The following HIVEP1 variants were observed in gnomAD, a reference collection of about 807,000 sequenced individuals.
The protein encoded by HIVEP1 is zinc finger protein 40.
In HIVEP1, 36 loss-of-function variants were observed where a neutral mutation model predicts 180.0. The observed-to-expected ratio is 0.20, with a 90% CI of 0.15 to 0.26. The LOEUF is 0.26. HIVEP1 is among the 10% of genes least tolerant of loss of function. The pLI is 1.00. For missense variants in HIVEP1, 3,143 were observed against 3,268.7 expected (o/e 0.96, Z 0.94); for synonymous variants, 1,239 against 1,239.0 (o/e 1.00, Z 0.00).
intron 3 of HIVEP1, among the ~76,000 whole-genome samples, chr6:12,099,356 C>T (rs942385316): frequency 9.9e-5 from 15 of 151,818 alleles, no homozygotes; most frequent in Admixed American, 8.5e-4. Context: ...TTAGTAGAGA[C>T]GGGGTTTCAC....
At chr6:12,099,060 T>G (rs1303758535) in intron 3 of HIVEP1, among the ~76,000 whole-genome samples, 2 of 152,078 alleles carry the variant, frequency 1.3e-5, no homozygotes, top group Non-Finnish European at 2.9e-5. Flanking sequence ...AACAAATGTA[T>G]GTAGTAACAT....
rs1757966446 is a variant in HIVEP1, at chr6:12,124,965, C to A, written c.5170C>A (p.Pro1724Thr). 1 of 1,613,988 alleles carries A rather than the reference C, an allele frequency of 6.2e-7. No homozygotes were observed. The change falls in exon 4 of 9, where the codon CCC becomes ACC. Residue 1724 changes from proline (P) to threonine (T), a missense_variant. Around this residue, in one of 12 missense-constraint regions of HIVEP1, gnomAD observed 1,357 missense variants for 1,260.5 expected, o/e 1.08. Coordinates refer to ENST00000379388, the MANE Select transcript of HIVEP1 (RefSeq NM_002114.4). ...AAATTCTTCTCTATCAGAATCCTTG[C>A]CCATAACTCAGAAAATATCTGTTGG... is the stretch of plus-strand genomic sequence containing the variant. ...SQNSSLSESL[P>T]ITQKISVGRL...
At position 12,080,144 on chromosome 6, in the gene HIVEP1, C is replaced by A. The variant is rs192046638; in HGVS notation, c.41-9040C>A. ...GCTAAAAGAGTGGCACTAAGAGAAT[C>A]ATCCTTGGGCTAAGTTGATTTGACA... On this transcript the variant is annotated intron_variant, in intron 2 of 8. Coordinates refer to ENST00000379388, the MANE Select transcript of HIVEP1 (RefSeq NM_002114.4). Among the ~76,000 whole-genome samples the A allele has an allele frequency of 1.6e-4, 25 of 152,260 alleles. No homozygotes were observed. The East Asian group carries it at 4.6e-3, about 28-fold the overall frequency.
intron 6 of HIVEP1, 36 bp from the exon 7 acceptor site, chr6:12,135,755 A>G (rs1581759407): frequency 1.5e-6 from 2 of 1,340,112 alleles, no homozygotes; most frequent in African/African-American, 2.9e-5. Flanking sequence ...GCAAAATCAT[A>G]CTACTTAAGC....
In HIVEP1 at chr6:12,124,194, C is replaced by T; in HGVS notation, c.4399C>T (p.Pro1467Ser). 6.2e-7 allele frequency: 1 copy of T among 1,613,860 alleles called. No individual in the cohort carries two copies. The highest frequency in any genetic ancestry group is 8.5e-7 in the Non-Finnish European group (1 of 1,179,794). ...TGTGAATGCAGTGCCATATCAGGGGCCTCAGCTCACTAGTACATCTTTAGC... is the reference window on the plus strand; with the variant it reads ...TGTGAATGCAGTGCCATATCAGGGGTCTCAGCTCACTAGTACATCTTTAGC... ...PSVNAVPYQG[P>S]QLTSTSLAEF... is the part of the protein sequence containing the mutation. The change falls in exon 4 of 9, where the codon CCT becomes TCT. Residue 1467 changes from proline (P) to serine (S), a missense_variant. Pro to Ser is a moderately conservative substitution (Grantham distance 74, BLOSUM62 -1). This residue lies in a region of HIVEP1 where 1,357 missense variants were observed against 1,260.5 expected (regional missense o/e 1.08). Coordinates refer to ENST00000379388, the MANE Select transcript of HIVEP1 (RefSeq NM_002114.4).
In HIVEP1 at chr6:12,063,233, A is replaced by G. The variant is rs570190975; in HGVS notation, c.41-25951A>G. ...AGCAGAGTTTTTCAACCTCAGCTCC[A>G]TTTATGATTTGGCCTAGATAATTCT... On this transcript the variant is annotated intron_variant, in intron 2 of 8. Coordinates refer to ENST00000379388, the MANE Select transcript of HIVEP1 (RefSeq NM_002114.4). This position sits in a 1 kb window ranked among gnomAD's most constrained non-coding sequence, Gnocchi z 4.2. Among the ~76,000 whole-genome samples the G allele has an allele frequency of 6.6e-6, 1 of 152,280 alleles. No individual in the cohort carries two copies. Among genetic ancestry groups the G allele is most frequent in the East Asian group, 1.9e-4 (1 of 5,184 alleles).
At chr6:12,058,394 TCC>T (rs1771007577) in intron 2 of HIVEP1, among the ~76,000 whole-genome samples, 1 of 152,202 alleles carries the variant, frequency 6.6e-6, no homozygotes, top group Non-Finnish European at 1.5e-5. Flanking sequence ...ACATTTTAGT[TCC>T]ACTCCCAAGT....
the HIVEP1 span, among the ~76,000 whole-genome samples, chr6:12,196,928 ACTGAG>A: frequency 6.6e-6 from 1 of 152,256 alleles, no homozygotes; most frequent in African/African-American, 2.4e-5. Context: ...TATGCCAGAA[ACTGAG>A]CTAAGAATGA....
At chr6:12,079,733 A>G (rs925263020) in intron 2 of HIVEP1, among the ~76,000 whole-genome samples, 5 of 152,296 alleles carry the variant, frequency 3.3e-5, no homozygotes, top group African/African-American at 9.6e-5. Context: ...CTGAGTATCA[A>G]GATTTTTAAA....
intron 3 of HIVEP1, among the ~76,000 whole-genome samples, chr6:12,108,783 C>T (rs1050154154): frequency 3.9e-5 from 6 of 152,176 alleles, no homozygotes; most frequent in African/African-American, 1.4e-4. Flanking sequence ...TCCACACCTC[C>T]CTGCAAGCTG....
intron 2 of HIVEP1, among the ~76,000 whole-genome samples, chr6:12,062,294 A>G (rs1771290810): frequency 6.6e-6 from 1 of 152,134 alleles, no homozygotes; most frequent in African/African-American, 2.4e-5. Context: ...CTATTCCTTT[A>G]ATGATAACCT....
At chr6:12,108,822 C>T (rs888814574) in intron 3 of HIVEP1, among the ~76,000 whole-genome samples, 1 of 152,218 alleles carries the variant, frequency 6.6e-6, no homozygotes, top group African/African-American at 2.4e-5. Flanking sequence ...TTGGCCAGCC[C>T]AGAAAGGGGC....
chr6:12,071,338 G>A (rs1421765281), intron 2 of HIVEP1, among the ~76,000 whole-genome samples: 1 of 152,142 alleles, frequency 6.6e-6, no homozygotes, highest in Non-Finnish European at 1.5e-5. Context: ...CCCAGCCAGA[G>A]CCCTCTGTGC....
the HIVEP1 span, among the ~76,000 whole-genome samples, chr6:12,175,548 C>A: frequency 1.3e-5 from 2 of 152,326 alleles, no homozygotes; most frequent in African/African-American, 4.8e-5. Context: ...TTATGAAGCA[C>A]GTATCACATG....
intron 6 of HIVEP1, among the ~76,000 whole-genome samples, chr6:12,132,979 T>C (rs1017973500): frequency 6.6e-6 from 1 of 152,164 alleles, no homozygotes; most frequent in African/African-American, 2.4e-5. Flanking sequence ...GATTTTCACC[T>C]TCTCTGATTT....
chr6:12,203,493 G>A, the HIVEP1 span, among the ~76,000 whole-genome samples: 387 of 152,322 alleles, frequency 2.5e-3, no homozygotes, highest in African/African-American at 8.7e-3. Context: ...CCTATGGAGT[G>A]AGTGAGTTTG....
At chr6:12,158,082 A>G (rs1012949907) in intron 7 of HIVEP1, among the ~76,000 whole-genome samples, 7 of 152,176 alleles carry the variant, frequency 4.6e-5, no homozygotes, top group Non-Finnish European at 7.3e-5. Context: ...CATTTCTAAC[A>G]TAGGTGTCAT....
intron 4 of HIVEP1, among the ~76,000 whole-genome samples, chr6:12,129,039 C>G (rs1449013598): frequency 1.3e-5 from 2 of 151,790 alleles, no homozygotes; most frequent in Non-Finnish European, 1.5e-5. Context: ...AGCAAGACCC[C>G]CATTTCTATA....
intron 2 of HIVEP1, among the ~76,000 whole-genome samples, chr6:12,030,543 G>T (rs1320134377): frequency 6.6e-6 from 1 of 152,050 alleles, no homozygotes; most frequent in East Asian, 1.9e-4. Flanking sequence ...TACCAGTTCA[G>T]ATTTGCGGTT....
Sources: gnomAD v4.1 joint callset for allele counts (sites outside exome capture counted in the v4.1 genomes callset) on GRCh38, gnomAD v4.1.1 for gene constraint, gnomAD v4.1.1 regional missense constraint, Gnocchi (gnomAD v3.1) non-coding constraint, MANE v1.5 for transcripts, NCBI Gene and HGNC (gene_info 2026-07-23, HGNC 2026-07-21) for gene names.